FRMPD4: variants seen among roughly 807,000 people sequenced by gnomAD.
The protein encoded by FRMPD4 is FERM and PDZ domain-containing protein 4.
A neutral mutation model predicts 94.1 loss-of-function variants in FRMPD4; 22 were observed. That is an observed-to-expected ratio of 0.23 (90% CI 0.17 to 0.33). The LOEUF (loss-of-function observed/expected upper bound fraction) is 0.33. Among genes scored for constraint, FRMPD4 ranks in the 10% least tolerant of loss-of-function variants. The pLI, the probability that FRMPD4 is intolerant of heterozygous loss-of-function variation, is 1.00. For missense variants in FRMPD4, 1,111 were observed against 1,339.9 expected, an observed-to-expected ratio of 0.83 and a Z score of 2.67; for synonymous variants, 631 against 548.6, an observed-to-expected ratio of 1.15 and a Z score of -2.10.
intron 1 of FRMPD4, among the ~76,000 whole-genome samples, chrX:11,828,435 G>C (rs993557340): frequency 1.0e-5 from 1 of 100,408 alleles, no homozygotes; most frequent in Non-Finnish European, 2.0e-5. Context: ...ATTCCTAATT[G>C]AAACAATATG....
chrX:12,640,915 C>T (rs2059494254), intron 4 of FRMPD4, among the ~76,000 whole-genome samples: 2 of 111,394 alleles, frequency 1.8e-5, no homozygotes, highest in Admixed American at 9.6e-5. Context: ...GGCATGGTGG[C>T]GTGCACCTGT....
chrX:11,901,912 A>C (rs1783783786), intron 3 of FRMPD4, among the ~76,000 whole-genome samples: 1 of 111,806 alleles, frequency 8.9e-6, no homozygotes, highest in South Asian at 3.8e-4. Flanking sequence ...TGAGAAATAA[A>C]TGTCTATTCA....
At chrX:12,528,319 GTTTT>G (rs62720861) in intron 2 of FRMPD4, among the ~76,000 whole-genome samples, 1 of 73,866 alleles carries the variant, frequency 1.4e-5, no homozygotes. Context: ...TTTTGTTTTT[GTTTT>G]TTTTTTTTTT....
At chrX:12,171,707 G>A (rs896437622) in intron 1 of FRMPD4, among the ~76,000 whole-genome samples, 3 of 112,211 alleles carry the variant, frequency 2.7e-5, no homozygotes, top group African/African-American at 9.7e-5. Flanking sequence ...AAGCCGATGA[G>A]CGTGGGACTT....
In FRMPD4 at chrX:12,227,584, C is replaced by A. The variant is rs763510487; in HGVS notation, c.41+88572C>A. ...GGGAGGCCAAAGCAGAAGGATGGCT[C>A]AAGCCTAGGAATTAGAGGCCAGCCT... On this transcript the variant is annotated intron_variant, in intron 1 of 16. Coordinates refer to ENST00000675598, the MANE Select transcript of FRMPD4 (RefSeq NM_001368397.1). Among the ~76,000 whole-genome samples, 12 of 111,419 alleles carry A rather than the reference C, an allele frequency of 1.1e-4. No homozygotes were observed. In the South Asian group the frequency reaches 2.7e-3, roughly 25 times the overall value.
At chrX:11,871,924 A>G (rs752457034) in intron 2 of FRMPD4, among the ~76,000 whole-genome samples, 3 of 112,211 alleles carry the variant, frequency 2.7e-5, no homozygotes, top group South Asian at 3.7e-4. Flanking sequence ...GAAGTGACCA[A>G]ACTTGCACAG....
intron 2 of FRMPD4, among the ~76,000 whole-genome samples, chrX:12,538,695 G>C (rs1266509240): frequency 8.9e-6 from 1 of 111,787 alleles, no homozygotes; most frequent in East Asian, 2.8e-4. Flanking sequence ...AGGCAAACAG[G>C]GTCTGGAGTG....
At chrX:12,424,017 C>A (rs755987802) in intron 1 of FRMPD4, among the ~76,000 whole-genome samples, 1 of 112,277 alleles carries the variant, frequency 8.9e-6, no homozygotes, top group African/African-American at 3.2e-5. Context: ...ACATATCATG[C>A]CCTTTTGAGT....
At chrX:12,234,148 C>T (rs1284583729) in intron 1 of FRMPD4, among the ~76,000 whole-genome samples, 1 of 111,609 alleles carries the variant, frequency 9.0e-6, no homozygotes, top group Non-Finnish European at 1.9e-5. Context: ...CAGAGGGCTT[C>T]CTTTTCACTT....
At chrX:12,486,595 T>A (rs1372175007) in intron 1 of FRMPD4, among the ~76,000 whole-genome samples, 1 of 112,613 alleles carries the variant, frequency 8.9e-6, no homozygotes, top group East Asian at 2.8e-4. Context: ...TCCCACAATT[T>A]GTAACTCTGT....
chrX:11,860,814 G>T (rs1442330157), intron 1 of FRMPD4, among the ~76,000 whole-genome samples: 1 of 111,927 alleles, frequency 8.9e-6, no homozygotes, highest in African/African-American at 3.2e-5. Flanking sequence ...GGTGGGATGA[G>T]TTTTAAGGGC....
At chrX:12,612,710 C>T (rs142128801) in intron 3 of FRMPD4, among the ~76,000 whole-genome samples, 179 of 112,510 alleles carry the variant, frequency 1.6e-3, no homozygotes, top group African/African-American at 5.5e-3. Flanking sequence ...AGTTAACATT[C>T]GTCCTTCAGT....
intron 4 of FRMPD4, among the ~76,000 whole-genome samples, chrX:12,668,520 G>A (rs1270775592): frequency 5.5e-5 from 6 of 109,246 alleles, no homozygotes. Flanking sequence ...AATTAATAAA[G>A]TGTGCTGAGG....
intron 3 of FRMPD4, among the ~76,000 whole-genome samples, chrX:12,089,076 C>T (rs984335158): frequency 8.9e-6 from 1 of 112,300 alleles, no homozygotes; most frequent in Non-Finnish European, 1.9e-5. Flanking sequence ...TTCTGTCTGG[C>T]TTCCTTGACT....
intron 3 of FRMPD4, among the ~76,000 whole-genome samples, chrX:11,948,550 G>A (rs768053706): frequency 2.9e-4 from 32 of 111,268 alleles, no homozygotes; most frequent in African/African-American, 8.8e-4. Context: ...CTGAGACATA[G>A]GGACTCTGAA....
intron 4 of FRMPD4, among the ~76,000 whole-genome samples, chrX:12,645,347 C>CTTTTT (rs138817056): frequency 1.9e-3 from 106 of 55,631 alleles, no homozygotes; most frequent in African/African-American, 5.8e-3. Context: ...CACTCTCACT[C>CTTTTT]TTTTTTTTTT....
At chrX:11,847,600 G>T (rs189485884) in intron 1 of FRMPD4, among the ~76,000 whole-genome samples, 5 of 106,790 alleles carry the variant, frequency 4.7e-5, no homozygotes, top group Non-Finnish European at 7.7e-5. Context: ...TATTGCGGCA[G>T]TATTCACAAT....
intron 1 of FRMPD4, among the ~76,000 whole-genome samples, chrX:12,308,872 G>A (rs893096967): frequency 6.2e-5 from 7 of 112,805 alleles, no homozygotes; most frequent in Non-Finnish European, 1.3e-4. Flanking sequence ...TAACTGCCCA[G>A]CCAACTCCAG....
chrX:12,568,136 C>T (rs1194163425), intron 2 of FRMPD4, among the ~76,000 whole-genome samples: 1 of 110,985 alleles, frequency 9.0e-6, no homozygotes, highest in Non-Finnish European at 1.9e-5. Flanking sequence ...AAAACGCTAA[C>T]AGTAGGAAAA....
Sources: allele counts gnomAD v4.1 joint callset (sites outside exome capture counted in the v4.1 genomes callset), GRCh38; gene constraint gnomAD v4.1.1; transcripts MANE v1.5; gene names NCBI Gene and HGNC (gene_info 2026-07-23, HGNC 2026-07-21).